The following CHST6 variants were observed in gnomAD, a reference collection of about 807,000 sequenced individuals.
The protein encoded by CHST6 is N-acetylglucosamine 6-O-sulfotransferase 5.
For missense variants in CHST6, 698 were observed against 586.2 expected (o/e 1.19, Z -1.97); for synonymous variants, 309 against 276.4 (o/e 1.12, Z -1.17).
chr16:75,486,906 T>C (rs1390375949), intron 1 of CHST6, among the ~76,000 whole-genome samples: 1 of 152,182 alleles, frequency 6.6e-6, no homozygotes, highest in Non-Finnish European at 1.5e-5. Flanking sequence ...ACAGTGCTAA[T>C]TACATGGGTG....
intron 1 of CHST6, among the ~76,000 whole-genome samples, chr16:75,493,376 G>A (rs569243035): frequency 8.5e-5 from 13 of 152,202 alleles, no homozygotes; most frequent in Non-Finnish European, 1.5e-4. Flanking sequence ...GGGCGTGGTG[G>A]CGGGTGCCTG....
rs752838424 is a variant in CHST6, at chr16:75,479,228, C to A, written c.601G>T (p.Val201Leu). 1.9e-6 allele frequency: 3 copies of A among 1,611,212 alleles called. No individual in the cohort carries two copies. Among genetic ancestry groups the A allele is most frequent in the Admixed American group, 3.3e-5 (2 of 59,996 alleles). Reference sequence around the variant, plus strand: ...CGCAGCACGGCCCGCGGGTCGCGCACCAGGTGCACGATGCGTAGGTTGAGC... The same window carrying A: ...CGCAGCACGGCCCGCGGGTCGCGCAACAGGTGCACGATGCGTAGGTTGAGC... Reference protein sequence around the residue: ...PALNLRIVHLVRDPRAVLRSR... With the variant: ...PALNLRIVHLLRDPRAVLRSR... Residue 201 changes from valine (V) to leucine (L), a missense_variant, in exon 3 of 3, where the codon GTG becomes TTG. By Grantham distance (32) the Val-to-Leu change is conservative. Transcript: ENST00000332272.
intron 1 of CHST6, among the ~76,000 whole-genome samples, chr16:75,486,589 T>C (rs1041108480): frequency 2.0e-5 from 3 of 152,232 alleles, no homozygotes; most frequent in African/African-American, 7.2e-5. Flanking sequence ...TGGAGTTTTG[T>C]TGATCACAAG....
chr16:75,479,403 G>A lies in CHST6; in HGVS notation c.426C>T (p.Ala142=), dbSNP rs147460743. 4 of 1,612,868 alleles carry A rather than the reference G, an allele frequency of 2.5e-6. No homozygotes were observed. In the African/African-American group the frequency reaches 5.3e-5, roughly 21 times the overall value. Residue 142 remains alanine, a synonymous_variant, in exon 3 of 3, where the codon GCC becomes GCT. Coordinates refer to ENST00000332272, the MANE Select transcript of CHST6 (RefSeq NM_021615.5). ...PPACSAFPRG[A]ISSEAVCKPL... The stretch of plus-strand genomic sequence containing the variant: ...GCTTGCACACGGCCTCGCTGCTGAT[G>A]GCGCCTCGGGGAAAGGCACTGCAGG...
At position 75,478,909 on chromosome 16, in the gene CHST6, G is replaced by A; in HGVS notation, c.920C>T (p.Thr307Ile). The change falls in exon 3 of 3, where the codon ACC (threonine) becomes ATC (isoleucine). Residue 307 changes from threonine to isoleucine, a missense_variant. Thr to Ile is a moderately conservative substitution (Grantham distance 89, BLOSUM62 -1). Transcript: ENST00000332272. ...GCGCGCACCAGGTCCAGATCCGTGG[G>A]TGATGTTATGGATCCAGGCCTCGAG... Reference protein sequence around the residue: ...PQLEAWIHNITHGSGPGARRE... With the variant: ...PQLEAWIHNIIHGSGPGARRE... The A allele has an allele frequency of 6.2e-7, 1 of 1,613,296 alleles. No homozygotes were observed. Among genetic ancestry groups the A allele is most frequent in the Non-Finnish European group, 8.5e-7 (1 of 1,179,966 alleles).
At position 75,493,632 on chromosome 16, in the gene CHST6, T is replaced by A. The variant is rs114831236; in HGVS notation, c.-92+1308A>T. On this transcript the variant is annotated intron_variant, in intron 1 of 2. Coordinates refer to ENST00000332272, the MANE Select transcript of CHST6 (RefSeq NM_021615.5). ...AAGCAGAACAAAGTCTGGCGCATAG[T>A]GCACTTATGAGTATTTGCTTAGCAA... Among the ~76,000 whole-genome samples, 471 of 152,186 alleles carry A rather than the reference T, an allele frequency of 3.1e-3. 5 individuals are homozygous for A. The highest frequency in any genetic ancestry group is 0.011 in the African/African-American group (453 of 41,510).
At chr16:75,480,495 T>C (rs1050946172) in intron 2 of CHST6, among the ~76,000 whole-genome samples, 2 of 152,032 alleles carry the variant, frequency 1.3e-5, no homozygotes, top group Non-Finnish European at 2.9e-5. Context: ...ATATCCTGGA[T>C]GGACAGGAGA....
intron 1 of CHST6, among the ~76,000 whole-genome samples, chr16:75,490,360 C>T (rs1018444085): frequency 3.3e-5 from 5 of 151,952 alleles, no homozygotes; most frequent in African/African-American, 9.6e-5. Context: ...TGCCTGTAAA[C>T]CCAGCTACTC....
chr16:75,488,403 G>T (rs1597482487), intron 1 of CHST6, among the ~76,000 whole-genome samples: 1 of 151,780 alleles, frequency 6.6e-6, no homozygotes, highest in Admixed American at 6.6e-5. Flanking sequence ...GGAGGTGGAG[G>T]TTGCAGTGAG....
At chr16:75,486,029 C>G (rs2080193482) in intron 1 of CHST6, among the ~76,000 whole-genome samples, 1 of 152,198 alleles carries the variant, frequency 6.6e-6, no homozygotes, top group Non-Finnish European at 1.5e-5. Context: ...GCCTTATCTC[C>G]CATATCCCAG....
rs1433909000 is a variant in CHST6, at chr16:75,478,753, C to T, written c.1076G>A (p.Arg359Gln). ...CTGCTCGTCCTCAGAGTACACAGGC[C>T]GGTAGCCCAGCAGCTGCAGCGCACC... Reference protein sequence around the residue: ...CAGALQLLGYRPVYSEDEQRN... With the variant: ...CAGALQLLGYQPVYSEDEQRN... The change falls in exon 3 of 3, where the codon CGG becomes CAG. Residue 359 changes from arginine (R) to glutamine (Q), a missense_variant. Coordinates refer to ENST00000332272, the MANE Select transcript of CHST6 (RefSeq NM_021615.5). 5.0e-6 allele frequency: 8 copies of T among 1,613,524 alleles called. No individual in the cohort carries two copies. The highest frequency in any genetic ancestry group is 6.8e-6 in the Non-Finnish European group (8 of 1,180,022).
At chr16:75,491,504 G>C (rs2080256950) in intron 1 of CHST6, among the ~76,000 whole-genome samples, 1 of 151,732 alleles carries the variant, frequency 6.6e-6, no homozygotes, top group African/African-American at 2.4e-5. Flanking sequence ...TGAGTAGCTG[G>C]GACTACAGGT....
rs1567409412 is a variant in CHST6, at chr16:75,479,364, CCG to C, written c.463_464del (p.Arg155AlafsTer66). On this transcript the variant is annotated frameshift_variant, in exon 3 of 3. Transcript: ENST00000332272. LOFTEE classifies it low-confidence loss of function (END_TRUNC). ...CCTCCCGGGCCAGGGTGAAGGACTG[CCG>C]CGCGCACAGTGGCTTGCACACGGCC... Reference protein sequence around the residue: ...SEAVCKPLCARQSFTLAREAC... With the variant: ...SEAVCKPLCAXQSFTLAREAC... The C allele has an allele frequency of 6.2e-7, 1 of 1,612,558 alleles. No homozygotes were observed. The highest frequency in any genetic ancestry group is 1.3e-5 in the African/African-American group (1 of 74,928).
intron 1 of CHST6, among the ~76,000 whole-genome samples, chr16:75,493,136 G>C (rs955417628): frequency 6.6e-6 from 1 of 152,094 alleles, no homozygotes; most frequent in Non-Finnish European, 1.5e-5. Context: ...AGAGCACTGA[G>C]GTTAAGAGTG....
Position 75,478,494 on chromosome 16 carries a change from T to G in CHST6, c.*147A>C. On this transcript the variant is annotated 3_prime_UTR_variant, in exon 3 of 3. Coordinates refer to ENST00000332272, the MANE Select transcript of CHST6 (RefSeq NM_021615.5). ...CCAAGAATCAAGAGAGAAAGAAACG[T>G]GCAGTCCTTGCCTACTTGGGGAGGG... The G allele has an allele frequency of 1.3e-6, 1 of 763,674 alleles. No homozygotes were observed. The highest frequency in any genetic ancestry group is 1.6e-5 in the South Asian group (1 of 63,738). The allele number at this position is 763,674 out of a possible 1,614,324, so 47.3% of individuals were successfully genotyped here.
At chr16:75,493,073 G>C (rs1016973412) in intron 1 of CHST6, among the ~76,000 whole-genome samples, 1 of 151,948 alleles carries the variant, frequency 6.6e-6, no homozygotes. Context: ...CCATTTCCCC[G>C]CCCAAGACAC....
At chr16:75,480,927 C>CAAAAA (rs60465949) in intron 2 of CHST6, among the ~76,000 whole-genome samples, 7 of 111,326 alleles carry the variant, frequency 6.3e-5, no homozygotes, top group Non-Finnish European at 1.0e-4. Flanking sequence ...AACTTCATTC[C>CAAAAA]AAAAAAAAAA....
chr16:75,486,854 G>A (rs1295888094), intron 1 of CHST6, among the ~76,000 whole-genome samples: 2 of 152,156 alleles, frequency 1.3e-5, no homozygotes, highest in Admixed American at 1.3e-4. Context: ...AAGGGTGCAG[G>A]GGCAGAGCTT....
At chr16:75,490,015 A>G (rs1034200782) in intron 1 of CHST6, among the ~76,000 whole-genome samples, 8 of 149,912 alleles carry the variant, frequency 5.3e-5, no homozygotes, top group African/African-American at 1.7e-4. Context: ...CGTCTCTACT[A>G]AAAATACCAA....
Sources: gnomAD v4.1 joint callset for allele counts (sites outside exome capture counted in the v4.1 genomes callset) on GRCh38, gnomAD v4.1.1 for gene constraint, MANE v1.5 for transcripts, NCBI Gene and HGNC (gene_info 2026-07-23, HGNC 2026-07-21) for gene names.